AFG1L: variants seen among roughly 807,000 people sequenced by gnomAD.
AFG1L encodes the protein AFG1 like ATPase.
In AFG1L, 53 loss-of-function variants were observed where a neutral mutation model predicts 62.2. That is an observed-to-expected ratio of 0.85 (90% confidence interval 0.68 to 1.07). The LOEUF is 1.07. AFG1L is among the 50% of genes least tolerant of loss of function. The probability of loss-of-function intolerance (pLI) is 0.00; values close to 1 mark genes in which losing one functional copy is unlikely to be tolerated. For synonymous variants in AFG1L, 228 were observed against 210.3 expected, an observed-to-expected ratio of 1.08 and a Z score of -0.73; for missense variants, 555 against 590.5, an observed-to-expected ratio of 0.94 and a Z score of 0.62.
intron 10 of AFG1L, among the ~76,000 whole-genome samples, chr6:108,504,622 C>G (rs1401841315): frequency 4.6e-5 from 7 of 152,180 alleles, no homozygotes; most frequent in Admixed American, 3.9e-4. Context: ...TGAGCACATG[C>G]TGTTGGAAAA....
At chr6:108,443,477 A>G (rs1771630871) in intron 7 of AFG1L, among the ~76,000 whole-genome samples, 1 of 152,246 alleles carries the variant, frequency 6.6e-6, no homozygotes, top group Admixed American at 6.5e-5. Context: ...TAACTGGAAT[A>G]TCAACATCAC....
chr6:108,376,429 C>T (rs990466599), intron 6 of AFG1L, among the ~76,000 whole-genome samples: 2 of 151,634 alleles, frequency 1.3e-5, no homozygotes, highest in African/African-American at 2.4e-5. Flanking sequence ...TGGGATATGG[C>T]TTTTGCTATA....
intron 7 of AFG1L, among the ~76,000 whole-genome samples, chr6:108,441,712 A>AAAAAAAAATAT (rs1401294615): frequency 7.2e-6 from 1 of 139,498 alleles, no homozygotes; most frequent in African/African-American, 2.8e-5. Context: ...AAAAAAAAAA[A>AAAAAAAAATAT]ATATATATAT....
At chr6:108,455,431 C>A (rs1398973409) in intron 8 of AFG1L, among the ~76,000 whole-genome samples, 1 of 152,092 alleles carries the variant, frequency 6.6e-6, no homozygotes, top group Non-Finnish European at 1.5e-5. Flanking sequence ...TATTGATCTT[C>A]CCAACGAAAC....
At chr6:108,425,683 T>C (rs191708031) in intron 7 of AFG1L, among the ~76,000 whole-genome samples, 22 of 152,326 alleles carry the variant, frequency 1.4e-4, no homozygotes, top group African/African-American at 4.8e-4. Flanking sequence ...TATATACATA[T>C]ATTCACTATA....
chr6:108,428,044 A>G (rs1195492968), intron 7 of AFG1L, among the ~76,000 whole-genome samples: 1 of 152,200 alleles, frequency 6.6e-6, no homozygotes, highest in Non-Finnish European at 1.5e-5. Context: ...TAGTGTACCC[A>G]TCATCTGAGT....
chr6:108,349,807 C>G (rs933037192), intron 3 of AFG1L, among the ~76,000 whole-genome samples: 3 of 152,000 alleles, frequency 2.0e-5, no homozygotes, highest in African/African-American at 7.3e-5. Context: ...GTTCCAGCTA[C>G]TCAGTAGGAT....
At chr6:108,508,715 T>C (rs977943089) in intron 10 of AFG1L, among the ~76,000 whole-genome samples, 5 of 152,216 alleles carry the variant, frequency 3.3e-5, no homozygotes, top group African/African-American at 1.2e-4. Context: ...TGAGCATAAC[T>C]GATTTCAGCT....
chr6:108,394,011 TTCTC>T (rs566380719), intron 6 of AFG1L, among the ~76,000 whole-genome samples: 266 of 152,092 alleles, frequency 1.7e-3, no homozygotes, highest in African/African-American at 6.0e-3. Context: ...TCTTCTTTCT[TTCTC>T]TCTCTGTCTT....
At chr6:108,466,762 T>C (rs202113541) in intron 8 of AFG1L, among the ~76,000 whole-genome samples, 7,125 of 32,784 alleles carry the variant, frequency 0.22, 213 homozygotes, top group South Asian at 0.44. Flanking sequence ...TTTGTTAAAA[T>C]ATATATATTT....
intron 1 of AFG1L, among the ~76,000 whole-genome samples, chr6:108,303,088 T>C (rs1206051239): frequency 6.6e-6 from 1 of 151,984 alleles, no homozygotes. Context: ...AATTTTTGTA[T>C]TTTTAGTAGA....
At chr6:108,326,387 G>A (rs1050397559) in intron 2 of AFG1L, among the ~76,000 whole-genome samples, 2 of 152,106 alleles carry the variant, frequency 1.3e-5, no homozygotes, top group African/African-American at 4.8e-5. Flanking sequence ...TTTCTTTAGC[G>A]TGAGTGGGAG....
intron 2 of AFG1L, among the ~76,000 whole-genome samples, chr6:108,340,291 C>A (rs1778632061): frequency 6.6e-6 from 1 of 150,714 alleles, no homozygotes. Context: ...ATAACTGATG[C>A]AGTTTTTTTT....
chr6:108,511,140 A>G (rs1246313506), intron 11 of AFG1L, among the ~76,000 whole-genome samples: 2 of 148,118 alleles, frequency 1.4e-5, no homozygotes, highest in Non-Finnish European at 3.0e-5. Flanking sequence ...GAGGAGGAGG[A>G]GGAGGAGGAG....
intron 10 of AFG1L, among the ~76,000 whole-genome samples, chr6:108,500,962 A>C (rs985492316): frequency 1.3e-5 from 2 of 151,864 alleles, no homozygotes; most frequent in East Asian, 3.9e-4. Flanking sequence ...TTGTTTTAAG[A>C]GGTGTCTGTG....
chr6:108,317,602 T>C (rs1036577138), intron 1 of AFG1L, among the ~76,000 whole-genome samples: 2 of 152,206 alleles, frequency 1.3e-5, no homozygotes, highest in Non-Finnish European at 2.9e-5. Flanking sequence ...AGTAAGGGAT[T>C]GTAGAAACTT....
chr6:108,326,686 G>A (rs763127269), intron 2 of AFG1L, among the ~76,000 whole-genome samples: 4 of 152,128 alleles, frequency 2.6e-5, no homozygotes, highest in Non-Finnish European at 4.4e-5. Flanking sequence ...GGGGCCAGAC[G>A]CAGTGGCTCA....
At chr6:108,440,555 C>T (rs865995621) in intron 7 of AFG1L, among the ~76,000 whole-genome samples, 6 of 151,838 alleles carry the variant, frequency 4.0e-5, no homozygotes, top group African/African-American at 1.2e-4. Context: ...GAAAAAGTCT[C>T]GACTGGGCGT....
At chr6:108,341,078 C>G (rs1778662808) in intron 2 of AFG1L, among the ~76,000 whole-genome samples, 1 of 152,108 alleles carries the variant, frequency 6.6e-6, no homozygotes, top group African/African-American at 2.4e-5. Context: ...GACTGTCAGA[C>G]TTTTTTCAGC....
Sources: gnomAD v4.1 joint callset for allele counts (sites outside exome capture counted in the v4.1 genomes callset) on GRCh38, gnomAD v4.1.1 for gene constraint, MANE v1.5 for transcripts, NCBI Gene and HGNC (gene_info 2026-07-23, HGNC 2026-07-21) for gene names.